Variants in LRP6 observed in about 807,000 individuals in gnomAD.
LRP6 encodes the protein low-density lipoprotein receptor-related protein 6.
Under a neutral mutation model 184.1 loss-of-function variants are expected in LRP6, and 43 were observed. The ratio of observed to expected loss-of-function variants is 0.23; its 90% CI spans 0.18 to 0.30. The LOEUF (loss-of-function observed/expected upper bound fraction) is 0.30. LRP6 is among the 10% of genes least tolerant of loss of function. The pLI is 1.00. For synonymous variants in LRP6, 719 were observed against 684.9 expected (o/e 1.05, Z -0.78); for missense variants, 1,571 against 2,005.3 (o/e 0.78, Z 4.14).
rs1565513118 is a variant in LRP6 at position 12,116,609 on chromosome 12, CG to C, written c.*4516del. On this transcript the variant is annotated 3_prime_UTR_variant, in exon 23 of 23. Coordinates refer to ENST00000261349, the MANE Select transcript of LRP6 (RefSeq NM_002336.3). Reference sequence around the variant, plus strand: ...CAAAATGGACAGTTCAGCAAAAGCGCGTTGTCTGTAATTCTCTGGTGTTGCT... The same window carrying C: ...CAAAATGGACAGTTCAGCAAAAGCGCTTGTCTGTAATTCTCTGGTGTTGCT... 6.6e-6 allele frequency: 1 copy of C among 152,152 alleles called. No individual in the cohort carries two copies. The highest frequency in any genetic ancestry group is 2.4e-5 in the African/African-American group (1 of 41,428). 9.4% of individuals were successfully genotyped at this position (152,152 alleles called of 1,614,324 possible).
intron 15 of LRP6, chr12:12,138,766 C>A: frequency 6.7e-7 from 1 of 1,493,406 alleles, no homozygotes; most frequent in Non-Finnish European, 9.0e-7. Context: ...AGTAAATATT[C>A]TAGTTCATAG....
chr12:12,200,077 T>G (rs527864432), intron 3 of LRP6, among the ~76,000 whole-genome samples: 1 of 150,754 alleles, frequency 6.6e-6, no homozygotes, highest in African/African-American at 2.4e-5. Context: ...TCCATAAACC[T>G]TGGACATGAG....
intron 2 of LRP6, among the ~76,000 whole-genome samples, chr12:12,242,204 C>G (rs1275348877): frequency 6.6e-6 from 1 of 152,168 alleles, no homozygotes; most frequent in African/African-American, 2.4e-5. Flanking sequence ...TATTTTAACA[C>G]TCTTCCTCTC....
At chr12:12,251,928 G>A (rs1029578971) in intron 1 of LRP6, among the ~76,000 whole-genome samples, 3 of 151,970 alleles carry the variant, frequency 2.0e-5, no homozygotes, top group African/African-American at 4.8e-5. Flanking sequence ...GGAGTATAGT[G>A]GCACAATCAT....
intron 1 of LRP6, among the ~76,000 whole-genome samples, chr12:12,246,244 G>A (rs1865180649): frequency 1.3e-5 from 2 of 151,786 alleles, no homozygotes; most frequent in East Asian, 3.9e-4. Context: ...GGCCTCCGGT[G>A]ATCCACCCGC....
intron 20 of LRP6, 127 bp from the exon 21 acceptor site, chr12:12,125,559 T>A (rs936288271): frequency 3.5e-5 from 29 of 824,562 alleles, no homozygotes; most frequent in Non-Finnish European, 5.5e-5. Context: ...TAACTTACAC[T>A]CTTTTCCTAT....
In LRP6 at chr12:12,151,587, T is replaced by C. The variant is rs554463869; in HGVS notation, c.2792-549A>G. ...TTACTCAGCGGTAAAATAAAAGTCA[T>C]AGTCATCTTGTCCCTCTCACTGAGT... On this transcript the variant is annotated intron_variant, in intron 12 of 22. Coordinates refer to ENST00000261349, the MANE Select transcript of LRP6 (RefSeq NM_002336.3). Among the ~76,000 whole-genome samples the C allele has an allele frequency of 1.1e-4, 17 of 152,272 alleles. 1 individual carries two copies. The highest frequency in any genetic ancestry group is 3.8e-4 in the African/African-American group (16 of 41,562).
At chr12:12,246,943 C>A (rs1241305011) in intron 1 of LRP6, among the ~76,000 whole-genome samples, 1 of 152,132 alleles carries the variant, frequency 6.6e-6, no homozygotes, top group African/African-American at 2.4e-5. Context: ...AGCTTAAATC[C>A]AACTTTCTTA....
intron 1 of LRP6, among the ~76,000 whole-genome samples, chr12:12,264,602 A>G (rs577025711): frequency 9.9e-5 from 15 of 152,264 alleles, no homozygotes; most frequent in African/African-American, 2.4e-4. Context: ...TTTGTGGGGG[A>G]AAAAAATGAC....
intron 1 of LRP6, among the ~76,000 whole-genome samples, chr12:12,261,943 C>G (rs1865626356): frequency 6.6e-6 from 1 of 152,084 alleles, no homozygotes; most frequent in Non-Finnish European, 1.5e-5. Flanking sequence ...AACAAGCCTC[C>G]TCAAAAAAAG....
rs1863491516 is a variant in LRP6 at position 12,186,975 on chromosome 12, G to A, written c.792C>T (p.Asp264=). The A allele has an allele frequency of 6.2e-7, 1 of 1,614,012 alleles. No individual in the cohort carries two copies. Among genetic ancestry groups the A allele is most frequent in the Admixed American group, 1.7e-5 (1 of 59,986 alleles). Residue 264 remains aspartate, a synonymous_variant, in exon 4 of 23, where the codon GAC becomes GAT. Transcript: ENST00000261349. Reference sequence around the variant, plus strand: ...CATGTATATCCATGGGAGAGAAGATGTCAGAATGGATTTCACGCAGACCCT... The same window carrying A: ...CATGTATATCCATGGGAGAGAAGATATCAGAATGGATTTCACGCAGACCCT... The part of the protein sequence containing the change: ...TGEGLREIHS[D]IFSPMDIHAF...
intron 3 of LRP6, among the ~76,000 whole-genome samples, chr12:12,195,412 T>G (rs1863726433): frequency 1.3e-5 from 2 of 152,074 alleles, no homozygotes; most frequent in Admixed American, 1.3e-4. Context: ...GAGATGATAC[T>G]TCATTGTGAA....
chr12:12,181,960 T>G (rs956460342), intron 5 of LRP6, among the ~76,000 whole-genome samples: 1 of 152,216 alleles, frequency 6.6e-6, no homozygotes, highest in East Asian at 1.9e-4. Context: ...TTATATGCTA[T>G]GTAAGTTACA....
intron 15 of LRP6, among the ~76,000 whole-genome samples, chr12:12,140,205 A>C (rs1949909458): frequency 6.6e-6 from 1 of 152,090 alleles, no homozygotes; most frequent in Non-Finnish European, 1.5e-5. Flanking sequence ...TTAAAAAAAA[A>C]ACAAAAAACC....
Position 12,165,239 on chromosome 12 carries a change from G to A in LRP6, c.1602C>T (p.His534=), listed in dbSNP as rs771517297. Reference sequence around the variant, plus strand: ...CACCCAACAAAGTAAATCCAAATATGTGAGGAATTTTGTCTTCCACTAGTA... The same window carrying A: ...CACCCAACAAAGTAAATCCAAATATATGAGGAATTTTGTCTTCCACTAGTA... ...RRVLVEDKIP[H]IFGFTLLGDY... Residue 534 remains histidine (H), a synonymous_variant, in exon 8 of 23, where the codon CAC becomes CAT. Coordinates refer to ENST00000261349, the MANE Select transcript of LRP6 (RefSeq NM_002336.3). 2 of 1,614,106 alleles carry A rather than the reference G, an allele frequency of 1.2e-6. No homozygotes were observed. Among genetic ancestry groups the A allele is most frequent in the Non-Finnish European group, 1.7e-6 (2 of 1,179,986 alleles).
At chr12:12,121,516 G>A in intron 22 of LRP6, 96 bp from the exon 23 acceptor site, 2 of 1,147,656 alleles carry the variant, frequency 1.7e-6, no homozygotes, top group South Asian at 1.3e-5. Context: ...ACTACCCTAT[G>A]AAAACAATAA....
At chr12:12,177,097 C>CG (rs1026795036) in intron 7 of LRP6, among the ~76,000 whole-genome samples, 53 of 152,082 alleles carry the variant, frequency 3.5e-4, no homozygotes, top group African/African-American at 1.0e-3. Context: ...CCACCCACCT[C>CG]GGCCTCCCAA....
intron 7 of LRP6, among the ~76,000 whole-genome samples, chr12:12,176,257 C>T (rs1863180139): frequency 1.3e-5 from 2 of 152,090 alleles, no homozygotes; most frequent in Non-Finnish European, 2.9e-5. Flanking sequence ...GGTTTGTCCA[C>T]AAAAGGCAAT....
At position 12,116,389 on chromosome 12, in the gene LRP6, G is replaced by C. The variant is rs1300089017; in HGVS notation, c.*4737C>G. 1 of 152,068 alleles carries C rather than the reference G, an allele frequency of 6.6e-6. No individual in the cohort carries two copies. Among genetic ancestry groups the C allele is most frequent in the Non-Finnish European group, 1.5e-5 (1 of 68,006 alleles). The allele number at this position is 152,068 out of a possible 1,614,324, so 9.4% of individuals were successfully genotyped here. On this transcript the variant is annotated 3_prime_UTR_variant, in exon 23 of 23. Transcript: ENST00000261349. Reference sequence around the variant, plus strand: ...AGGCTAGTCCAGTTTAATCTTCTTGGTATCCTCTCTACTTTTTAACATTTT... The same window carrying C: ...AGGCTAGTCCAGTTTAATCTTCTTGCTATCCTCTCTACTTTTTAACATTTT...
Sources: gnomAD v4.1 joint callset for allele counts (sites outside exome capture counted in the v4.1 genomes callset) on GRCh38, gnomAD v4.1.1 for gene constraint, MANE v1.5 for transcripts, NCBI Gene and HGNC (gene_info 2026-07-23, HGNC 2026-07-21) for gene names.